The following DCAF15 variants were observed in gnomAD, a reference collection of about 807,000 sequenced individuals.
The protein encoded by DCAF15 is DDB1- and CUL4-associated factor 15.
A neutral mutation model predicts 68.0 loss-of-function variants in DCAF15; 24 were observed. The ratio of observed to expected loss-of-function variants is 0.35; its 90% confidence interval spans 0.26 to 0.50. DCAF15 has a LOEUF of 0.50. DCAF15 is among the 20% of genes least tolerant of loss of function. DCAF15 has a pLI of 0.98. For missense variants in DCAF15, 627 were observed against 830.6 expected, an observed-to-expected ratio of 0.75 and a Z score of 3.01; for synonymous variants, 376 against 341.6, an observed-to-expected ratio of 1.10 and a Z score of -1.11.
chr19:13,961,233 C>T lies in DCAF15; in HGVS notation c.*238C>T. The T allele has an allele frequency of 1.7e-6, 1 of 582,240 alleles. No homozygotes were observed. Among genetic ancestry groups the T allele is most frequent in the Non-Finnish European group, 3.1e-6 (1 of 325,758 alleles). The allele number at this position is 582,240 out of a possible 1,614,324, so 36.1% of individuals were successfully genotyped here. On this transcript the variant is annotated 3_prime_UTR_variant, in exon 13 of 13. Transcript: ENST00000254337. Reference sequence around the variant, plus strand: ...AGAGGGCGCCCCCTGCCCCACCAGCCTGAGTGCCCCGCCTTCACCCCGAGC... The same window carrying T: ...AGAGGGCGCCCCCTGCCCCACCAGCTTGAGTGCCCCGCCTTCACCCCGAGC...
At position 13,961,207 on chromosome 19, in the gene DCAF15, G is replaced by T. The variant is rs1052909951; in HGVS notation, c.*212G>T. Reference sequence around the variant, plus strand: ...CCTATTTAAGTTGGGAAGGGGCAGAGAGAGGGCGCCCCCTGCCCCACCAGC... The same window carrying T: ...CCTATTTAAGTTGGGAAGGGGCAGATAGAGGGCGCCCCCTGCCCCACCAGC... On this transcript the variant is annotated 3_prime_UTR_variant, in exon 13 of 13. Coordinates refer to ENST00000254337, the MANE Select transcript of DCAF15 (RefSeq NM_138353.4). 8 of 621,550 alleles carry T rather than the reference G, an allele frequency of 1.3e-5. No individual in the cohort carries two copies. Among genetic ancestry groups the T allele is most frequent in the Non-Finnish European group, 2.3e-5 (8 of 354,524 alleles). 38.5% of individuals were successfully genotyped at this position (621,550 alleles called of 1,614,324 possible). A position where few individuals can be genotyped will look rare whatever the true frequency, so the allele number is the denominator to read the frequency against.
At chr19:13,960,418 AG>A (rs1156367893) in intron 11 of DCAF15, 27 bp downstream of exon 11, 1 of 1,613,052 alleles carries the variant, frequency 6.2e-7, no homozygotes, top group Admixed American at 1.7e-5. Flanking sequence ...GGGCAGGGTC[AG>A]GGCGCGGCCA....
chr19:13,954,192 C>T (rs1973233945), intron 1 of DCAF15, 148 bp from the exon 2 acceptor site: 2 of 679,284 alleles, frequency 2.9e-6, no homozygotes, highest in Non-Finnish European at 5.1e-6. Flanking sequence ...TCAGTTGTTC[C>T]CACCTTCCAG....
rs761908920 is a variant in DCAF15, at chr19:13,960,080, G to A, written c.1526+11G>A. 6.8e-6 allele frequency: 11 copies of A among 1,613,096 alleles called. No homozygotes were observed. In the Admixed American group the frequency reaches 1.8e-4, roughly 27 times the overall value. ...GGAGGGCCAGCTCCGGTGAGCGCGG[G>A]GATCCTGCCCTCTCTGTCCACTAGG... On this transcript the variant is annotated intron_variant, in intron 10 of 12. Transcript: ENST00000254337.
At chr19:13,959,718 G>T (rs1335753815) in intron 8 of DCAF15, 45 bp downstream of exon 8, 1 of 1,612,612 alleles carries the variant, frequency 6.2e-7, no homozygotes, top group Admixed American at 1.7e-5. Flanking sequence ...CCGGGGAGCT[G>T]CCGGGGGGCA....
In DCAF15 at chr19:13,959,201, C is replaced by T. The variant is rs1320127143; in HGVS notation, c.941C>T (p.Ser314Leu). 6.8e-6 allele frequency: 11 copies of T among 1,612,762 alleles called. No individual in the cohort carries two copies. The highest frequency in any genetic ancestry group is 2.2e-5 in the East Asian group (1 of 44,846). The change falls in exon 7 of 13, where the codon TCG (serine) becomes TTG (leucine). Residue 314 changes from serine (S) to leucine (L), a missense_variant. Ser to Leu is a moderately radical substitution (Grantham distance 145, BLOSUM62 -2). Transcript: ENST00000254337. ...CGTTCTTCTGGGTCTCCTGAGCCCTCGCCCGCCATTGCCAAAGCCAAGGAG... is the reference window on the plus strand; with the variant it reads ...CGTTCTTCTGGGTCTCCTGAGCCCTTGCCCGCCATTGCCAAAGCCAAGGAG... ...PARSSGSPEP[S>L]PAIAKAKEFV...
At chr19:13,958,300 C>T (rs912347933) in intron 6 of DCAF15, among the ~76,000 whole-genome samples, 1 of 152,038 alleles carries the variant, frequency 6.6e-6, no homozygotes, top group Admixed American at 6.6e-5. Flanking sequence ...CTTCCTTGGC[C>T]ATTGTCACCT....
At position 13,959,203 on chromosome 19, in the gene DCAF15, C is replaced by T. The variant is rs569811844; in HGVS notation, c.943C>T (p.Pro315Ser). ...ARSSGSPEPS[P>S]AIAKAKEFVA... is the part of the protein sequence containing the mutation. The stretch of plus-strand genomic sequence containing the variant: ...TTCTTCTGGGTCTCCTGAGCCCTCG[C>T]CCGCCATTGCCAAAGCCAAGGAGTT... The change falls in exon 7 of 13, where the codon CCC becomes TCC. Residue 315 changes from proline (P) to serine (S), a missense_variant. Around this residue, in one of 3 missense-constraint regions of DCAF15, gnomAD observed 236 missense variants for 225.1 expected, o/e 1.05. Coordinates refer to ENST00000254337, the MANE Select transcript of DCAF15 (RefSeq NM_138353.4). 1.5e-5 allele frequency: 24 copies of T among 1,613,036 alleles called. No individual in the cohort carries two copies. In the South Asian group the frequency reaches 2.5e-4, roughly 17 times the overall value.
At chr19:13,956,697 C>A (rs1413155805) in intron 6 of DCAF15, among the ~76,000 whole-genome samples, 175 bp downstream of exon 6, 1 of 152,242 alleles carries the variant, frequency 6.6e-6, no homozygotes, top group African/African-American at 2.4e-5. Flanking sequence ...CACAGCCCTG[C>A]CCACGGGATC....
rs1037531374 is a variant in DCAF15 at position 13,952,725 on chromosome 19, C to A, written c.132+81C>A. On this transcript the variant is annotated intron_variant, in intron 1 of 12. Coordinates refer to ENST00000254337, the MANE Select transcript of DCAF15 (RefSeq NM_138353.4). ...GGAGGCGGAGGGAGGAGGGCGTTCG[C>A]GGGGTGAGGGGTTGGGGGCGGGGCC... 4.5e-5 allele frequency: 5 copies of A among 112,118 alleles called. No individual in the cohort carries two copies. In the African/African-American group the frequency reaches 4.9e-4, roughly 11 times the overall value. 6.9% of individuals were successfully genotyped at this position (112,118 alleles called of 1,614,324 possible).
chr19:13,957,074 AGT>A (rs1973393466), intron 6 of DCAF15, among the ~76,000 whole-genome samples: 1 of 152,190 alleles, frequency 6.6e-6, no homozygotes, highest in African/African-American at 2.4e-5. Context: ...ATTTAATTGT[AGT>A]TGTTTTAAGC....
chr19:13,960,632 C>CG (rs1167565571), intron 12 of DCAF15, 52 bp downstream of exon 12: 1 of 1,478,150 alleles, frequency 6.8e-7, no homozygotes, highest in African/African-American at 1.4e-5. Flanking sequence ...CACTTGTCCT[C>CG]ACCCAGGAGC....
intron 3 of DCAF15, among the ~76,000 whole-genome samples, chr19:13,955,047 A>G (rs1310462481): frequency 1.3e-5 from 2 of 152,072 alleles, no homozygotes; most frequent in African/African-American, 2.4e-5. Context: ...TTGAGGCTGC[A>G]GTGAGCCATG....
rs377379440 is a variant in DCAF15 at position 13,956,338 on chromosome 19, G to A, written c.614-14G>A. On this transcript the variant is annotated splice_polypyrimidine_tract_variant and intron_variant, in intron 5 of 12. Transcript: ENST00000254337. ...CGGGCCGAGAGTGAGCTGCTGTGGC[G>A]TGTGTTGCTACAGGAGACCCGAATG... The A allele has an allele frequency of 1.2e-5, 20 of 1,613,248 alleles. No homozygotes were observed. The highest frequency in any genetic ancestry group is 1.6e-4 in the Middle Eastern group (1 of 6,084).
intron 3 of DCAF15, among the ~76,000 whole-genome samples, chr19:13,955,589 C>A (rs894106437): frequency 2.0e-5 from 3 of 152,300 alleles, no homozygotes; most frequent in South Asian, 4.1e-4. Flanking sequence ...GGAACCCCCC[C>A]AGGAGGTGTG....
At chr19:13,953,267 A>G (rs1281883030) in intron 1 of DCAF15, 6 of 882,202 alleles carry the variant, frequency 6.8e-6, no homozygotes, top group Admixed American at 3.2e-5. Flanking sequence ...CTCCCCCATC[A>G]GTTTGGGAGC....
chr19:13,953,352 CTG>C (rs1024241538), intron 1 of DCAF15: 1 of 515,056 alleles, frequency 1.9e-6, no homozygotes, highest in African/African-American at 2.0e-5. Flanking sequence ...TGGACAGGGA[CTG>C]CGCCTTCTCC....
intron 3 of DCAF15, among the ~76,000 whole-genome samples, chr19:13,955,111 C>T (rs773353405): frequency 1.3e-5 from 2 of 151,256 alleles, no homozygotes; most frequent in Non-Finnish European, 2.9e-5. Context: ...GTCTCTAAAA[C>T]AAAACAAAAC....
chr19:13,961,336 T>G lies in DCAF15; in HGVS notation c.*341T>G. The G allele has an allele frequency of 2.7e-6, 1 of 368,232 alleles. No individual in the cohort carries two copies. 22.8% of individuals were successfully genotyped at this position (368,232 alleles called of 1,614,324 possible). On this transcript the variant is annotated 3_prime_UTR_variant, in exon 13 of 13. Transcript: ENST00000254337. ...GGACGTTGCCCTCGGGGAGGTCGAA[T>G]GGACCCCATTCCCCCTGCCCTGCCC...
Sources: gnomAD v4.1 joint callset for allele counts (sites outside exome capture counted in the v4.1 genomes callset) on GRCh38, gnomAD v4.1.1 for gene constraint, gnomAD v4.1.1 regional missense constraint, MANE v1.5 for transcripts, NCBI Gene and HGNC (gene_info 2026-07-23, HGNC 2026-07-21) for gene names.